Variants in SCLT1 observed in about 807,000 individuals in gnomAD.
The protein encoded by SCLT1 is sodium channel and clathrin linker 1.
Under a neutral mutation model 112.8 loss-of-function variants are expected in SCLT1, and 78 were observed. The ratio of observed to expected loss-of-function variants is 0.69; its 90% CI spans 0.58 to 0.83. The LOEUF (loss-of-function observed/expected upper bound fraction) is 0.83. SCLT1 is among the 40% of genes least tolerant of loss of function. SCLT1 has a pLI of 0.00. For missense variants in SCLT1, 747 were observed against 770.4 expected, an observed-to-expected ratio of 0.97 and a Z score of 0.36; for synonymous variants, 257 against 254.7, an observed-to-expected ratio of 1.01 and a Z score of -0.09.
chr4:129,058,009 A>G (rs565900349), intron 2 of SCLT1, among the ~76,000 whole-genome samples: 2 of 152,158 alleles, frequency 1.3e-5, no homozygotes, highest in Admixed American at 6.5e-5. Flanking sequence ...TTGGCCTCCC[A>G]AAGTGCTGGG....
intron 18 of SCLT1, among the ~76,000 whole-genome samples, chr4:128,912,495 T>C (rs116411007): frequency 1.5e-4 from 23 of 152,264 alleles, no homozygotes; most frequent in African/African-American, 4.6e-4. Flanking sequence ...GTAAGATAGG[T>C]CAGTGAAAAT....
intron 18 of SCLT1, among the ~76,000 whole-genome samples, chr4:128,900,074 C>A (rs77755482): frequency 1.3e-5 from 2 of 152,114 alleles, no homozygotes; most frequent in East Asian, 3.8e-4. Flanking sequence ...TAGGAAGAAT[C>A]GATACCATGA....
At chr4:128,880,405 G>A (rs1003671941), downstream of SCLT1, among the ~76,000 whole-genome samples, 2 of 152,078 alleles carry the variant, frequency 1.3e-5, no homozygotes, top group African/African-American at 4.8e-5. Flanking sequence ...TGCCTGTGGT[G>A]CAATAAATAT....
At chr4:128,980,267 C>T (rs906736884) in intron 9 of SCLT1, among the ~76,000 whole-genome samples, 3 of 152,026 alleles carry the variant, frequency 2.0e-5, no homozygotes, top group South Asian at 4.1e-4. Context: ...TAAATTAGAA[C>T]ATGAAACATC....
intron 15 of SCLT1, among the ~76,000 whole-genome samples, chr4:128,946,924 C>T (rs1198069296): frequency 6.6e-6 from 1 of 152,182 alleles, no homozygotes; most frequent in East Asian, 1.9e-4. Flanking sequence ...AGGTCTGTAA[C>T]ATCCTAAGAG....
chr4:129,003,790 T>C lies in SCLT1; in HGVS notation c.377A>G (p.Asp126Gly). 1 of 1,611,914 alleles carries C rather than the reference T, an allele frequency of 6.2e-7. No homozygotes were observed. Among genetic ancestry groups the C allele is most frequent in the East Asian group, 2.2e-5 (1 of 44,712 alleles). Reference protein sequence around the residue: ...GTEVGTDIYADDETVRNLQEQ... With the variant: ...GTEVGTDIYAGDETVRNLQEQ... Reference sequence around the variant, plus strand: ...TTGAAGGTTTCTGACTGTTTCATCATCTGCATATATGTCAGTTCCTACCTC... The same window carrying C: ...TTGAAGGTTTCTGACTGTTTCATCACCTGCATATATGTCAGTTCCTACCTC... The change falls in exon 6 of 21, where the codon GAT (aspartate) becomes GGT (glycine). Residue 126 changes from aspartate to glycine, a missense_variant. By Grantham distance (94) the Asp-to-Gly change is moderately conservative. Around this residue, in one of 2 missense-constraint regions of SCLT1, gnomAD observed 723 missense variants for 721.3 expected, o/e 1.00. Transcript: ENST00000281142.
intron 5 of SCLT1, among the ~76,000 whole-genome samples, chr4:129,006,166 T>C (rs1262534030): frequency 6.6e-6 from 1 of 151,670 alleles, no homozygotes; most frequent in Admixed American, 6.6e-5. Context: ...TAAAGTATAA[T>C]AAAAAAAATT....
chr4:128,923,177 G>A (rs1403086682), intron 18 of SCLT1, among the ~76,000 whole-genome samples: 2 of 152,128 alleles, frequency 1.3e-5, no homozygotes, highest in Non-Finnish European at 2.9e-5. Flanking sequence ...CACATGCGGT[G>A]GCTCATGTCT....
rs1039763063 is a variant in SCLT1 at position 128,892,870 on chromosome 4, T to A, written c.1830-1733A>T. Among the ~76,000 whole-genome samples, 21 of 152,302 alleles carry A rather than the reference T, an allele frequency of 1.4e-4. 1 individual carries two copies. The highest frequency in any genetic ancestry group is 1.2e-3 in the Admixed American group (18 of 15,298). On this transcript the variant is annotated intron_variant, in intron 18 of 20. Coordinates refer to ENST00000281142, the MANE Select transcript of SCLT1 (RefSeq NM_144643.4). ...ACAAACCAAAATATATTGTTTTAGC[T>A]TTGAGTGATAATGACAAAATAGAAT...
At chr4:129,058,783 A>G (rs887073151) in intron 2 of SCLT1, among the ~76,000 whole-genome samples, 1 of 152,142 alleles carries the variant, frequency 6.6e-6, no homozygotes, top group East Asian at 1.9e-4. Flanking sequence ...GATCAGTCCA[A>G]TGCTGAGAGT....
chr4:128,970,160 C>T (rs1413524391), intron 10 of SCLT1, among the ~76,000 whole-genome samples: 3 of 152,012 alleles, frequency 2.0e-5, no homozygotes, highest in Non-Finnish European at 4.4e-5. Context: ...GTGATTATGA[C>T]GTTCTATTGA....
chr4:128,914,857 T>G (rs1735361811), intron 18 of SCLT1, among the ~76,000 whole-genome samples: 1 of 152,164 alleles, frequency 6.6e-6, no homozygotes, highest in African/African-American at 2.4e-5. Context: ...ATTTTCAGTA[T>G]TCAAATGAAT....
At chr4:129,074,195 T>C (rs899792791) in intron 2 of SCLT1, among the ~76,000 whole-genome samples, 2 of 152,192 alleles carry the variant, frequency 1.3e-5, no homozygotes, top group African/African-American at 4.8e-5. Flanking sequence ...TCCTACAATA[T>C]GGTCATTTTA....
rs759187846 is a variant in SCLT1 at position 128,943,015 on chromosome 4, T to G, written c.1613A>C (p.Gln538Pro). Residue 538 changes from glutamine to proline, a missense_variant, in exon 17 of 21, where the codon CAA becomes CCA. Gln to Pro is a moderately conservative substitution (Grantham distance 76, BLOSUM62 -1). Transcript: ENST00000281142. ...AAATACCTTTACTTTGGCTTTTTTT[T>G]GAGCCTCCAGGGCAATCTTCCTTAA... ...ESLRKIALEA[Q>P]KKAKVKISTM... 4.4e-6 allele frequency: 7 copies of G among 1,605,422 alleles called. No homozygotes were observed. Among genetic ancestry groups the G allele is most frequent in the Non-Finnish European group, 5.9e-6 (7 of 1,177,386 alleles).
chr4:129,003,513 A>AT (rs1330368384), intron 6 of SCLT1, among the ~76,000 whole-genome samples: 1 of 152,022 alleles, frequency 6.6e-6, no homozygotes, highest in Non-Finnish European at 1.5e-5. Flanking sequence ...AATCTTTATG[A>AT]TTTTAATTAA....
At chr4:129,052,033 T>G (rs533887853) in intron 2 of SCLT1, among the ~76,000 whole-genome samples, 1 of 152,348 alleles carries the variant, frequency 6.6e-6, no homozygotes, top group Admixed American at 6.5e-5. Flanking sequence ...TTATGTTTAT[T>G]GATTTGCATA....
intron 18 of SCLT1, among the ~76,000 whole-genome samples, chr4:128,923,900 C>G (rs914129385): frequency 6.6e-6 from 1 of 151,846 alleles, no homozygotes; most frequent in African/African-American, 2.4e-5. Context: ...CTGCAAACTC[C>G]CAGGCTCAGG....
In SCLT1 at chr4:128,947,509, T is replaced by C. The variant is rs148125887; in HGVS notation, c.1293+987A>G. On this transcript the variant is annotated intron_variant, in intron 15 of 20. Transcript: ENST00000281142. ...TCATAATAGATATAGACCATAATTT[T>C]TACGCTACATAGCTCTCCTTTGAAA... 1.6e-3 allele frequency among the ~76,000 whole-genome samples: 248 copies of C among 152,332 alleles called. 2 individuals carry two copies. Among genetic ancestry groups the C allele is most frequent in the East Asian group, 0.014 (70 of 5,174 alleles).
In SCLT1 at chr4:128,965,254, T is replaced by A. The variant is rs1740075487; in HGVS notation, c.842A>T (p.Gln281Leu). Residue 281 changes from glutamine (Q) to leucine (L), a missense_variant, in exon 11 of 21, where the codon CAG (glutamine) becomes CTG (leucine). Physicochemically the swap from Gln to Leu is moderately radical, Grantham distance 113 (BLOSUM62 -2). Around this residue, in one of 2 missense-constraint regions of SCLT1, gnomAD observed 723 missense variants for 721.3 expected, o/e 1.00. Transcript: ENST00000281142. ...TATTTCTAATTGTTTTATACTAGAC[T>A]GTAACTGCTGTAAACGCCTATCTGA... ...EASDRRLQQL[Q>L]SSIKQLEIRL... The A allele has an allele frequency of 6.2e-7, 1 of 1,602,174 alleles. No homozygotes were observed. Among genetic ancestry groups the A allele is most frequent in the African/African-American group, 1.3e-5 (1 of 74,686 alleles).
Sources: allele counts gnomAD v4.1 joint callset (sites outside exome capture counted in the v4.1 genomes callset), GRCh38; gene constraint gnomAD v4.1.1; regional missense constraint gnomAD v4.1.1; transcripts MANE v1.5; gene names NCBI Gene and HGNC (gene_info 2026-07-23, HGNC 2026-07-21).